Variants in NLRP4 observed in about 807,000 individuals in gnomAD.
The protein encoded by NLRP4 is NACHT, LRR and PYD domains-containing protein 4.
NLRP4 carries 44 observed loss-of-function variants against 84.7 expected under a neutral mutation model. The observed-to-expected ratio is 0.52, with a 90% CI of 0.41 to 0.67. The LOEUF (loss-of-function observed/expected upper bound fraction) is 0.67. Among genes scored for constraint, NLRP4 ranks in the 30% least tolerant of loss-of-function variants. NLRP4 has a pLI of 0.00. For missense variants in NLRP4, 1,260 were observed against 1,219.4 expected, an observed-to-expected ratio of 1.03 and a Z score of -0.50; for synonymous variants, 544 against 476.4, an observed-to-expected ratio of 1.14 and a Z score of -1.85.
chr19:55,861,462 G>C lies in NLRP4; in HGVS notation c.1933G>C (p.Val645Leu). Residue 645 changes from valine (V) to leucine (L), a missense_variant, in exon 4 of 10, where the codon GTG becomes CTG. Physicochemically the swap from Val to Leu is conservative, Grantham distance 32 (BLOSUM62 1). Transcript: ENST00000301295. ...CAGCGGGCACCTCAGAGAGCTCCAG[G>C]TGCAGGACAGCACCCTCAGCGAGTC... Reference protein sequence around the residue: ...TTSGHLRELQVQDSTLSESTF... With the variant: ...TTSGHLRELQLQDSTLSESTF... 1 of 1,614,190 alleles carries C rather than the reference G, an allele frequency of 6.2e-7. No homozygotes were observed. The highest frequency in any genetic ancestry group is 8.5e-7 in the Non-Finnish European group (1 of 1,180,012).
intron 6 of NLRP4, among the ~76,000 whole-genome samples, chr19:55,869,370 A>C (rs116087265): frequency 0.043 from 4,907 of 113,630 alleles, 184 homozygotes; most frequent in Middle Eastern, 0.16. Context: ...TCAAAAAAAA[A>C]CAAAAAATAA....
At chr19:55,876,677 A>AT (rs1985384534) in intron 7 of NLRP4, among the ~76,000 whole-genome samples, 1 of 152,132 alleles carries the variant, frequency 6.6e-6, no homozygotes, top group Admixed American at 6.5e-5. Flanking sequence ...TAGTGTTTGC[A>AT]TATAATGTAC....
chr19:55,852,164 A>G lies in NLRP4; in HGVS notation c.84A>G (p.Glu28=). Reference sequence around the variant, plus strand: ...AGGAGGAGTTCAGGAAATTTAAAGAACATCTCAAGCAAATGACTTTGCAGC... The same window carrying G: ...AGGAGGAGTTCAGGAAATTTAAAGAGCATCTCAAGCAAATGACTTTGCAGC... ...LKKEEFRKFK[E]HLKQMTLQLE... Residue 28 remains glutamate (E), a synonymous_variant, in exon 2 of 10, where the codon GAA becomes GAG. Transcript: ENST00000301295. The G allele has an allele frequency of 1.2e-6, 2 of 1,608,854 alleles. No homozygotes were observed. Among genetic ancestry groups the G allele is most frequent in the African/African-American group, 2.7e-5 (2 of 74,630 alleles).
chr19:55,852,351 G>T lies in NLRP4; in HGVS notation c.271G>T (p.Glu91Ter). ...RKDLCMKVMR[E>*]RTGYTKTYQA... ...GGATCTCTGCATGAAGGTCATGAGGGAGAGAACAGGTGAGGGAGTCTGGGA... is the reference window on the plus strand; with the variant it reads ...GGATCTCTGCATGAAGGTCATGAGGTAGAGAACAGGTGAGGGAGTCTGGGA... Residue 91 changes from glutamate (E) to a stop codon, truncating the protein, a stop_gained, in exon 2 of 10, where the codon GAG becomes TAG. Coordinates refer to ENST00000301295, the MANE Select transcript of NLRP4 (RefSeq NM_134444.5). LOFTEE classifies it high-confidence loss of function. 1 of 1,597,442 alleles carries T rather than the reference G, an allele frequency of 6.3e-7. No homozygotes were observed.
intron 1 of NLRP4, among the ~76,000 whole-genome samples, chr19:55,849,895 CGGCGGTGT>C (rs1568658033): frequency 1.1e-4 from 12 of 109,244 alleles, no homozygotes; most frequent in African/African-American, 4.3e-4. Flanking sequence ...TTTCCGTGGC[CGGCGGTGT>C]AATTTCCGTA....
intron 1 of NLRP4, among the ~76,000 whole-genome samples, chr19:55,841,819 C>T (rs544733615): frequency 4.8e-5 from 7 of 145,990 alleles, no homozygotes; most frequent in Non-Finnish European, 7.4e-5. Flanking sequence ...GAGCCGAGAT[C>T]GTACCACTGC....
At chr19:55,840,121 GTCTA>G (rs954948253) in intron 1 of NLRP4, among the ~76,000 whole-genome samples, 47 of 152,198 alleles carry the variant, frequency 3.1e-4, no homozygotes, top group African/African-American at 1.1e-3. Context: ...TAGCTGATTC[GTCTA>G]TCTTATAGTG....
chr19:55,848,947 C>T (rs1983910241), intron 1 of NLRP4, among the ~76,000 whole-genome samples: 1 of 152,276 alleles, frequency 6.6e-6, no homozygotes, highest in East Asian at 1.9e-4. Context: ...CCTCTCTTGT[C>T]TGCCGCCATG....
intron 1 of NLRP4, among the ~76,000 whole-genome samples, chr19:55,851,092 T>A (rs370630431): frequency 2.6e-3 from 153 of 57,758 alleles, no homozygotes; most frequent in South Asian, 5.7e-3. Flanking sequence ...GTAATGTCCG[T>A]GGCTGCGGTG....
intron 1 of NLRP4, among the ~76,000 whole-genome samples, chr19:55,848,394 CGATACTAT>C (rs1983882017): frequency 6.6e-6 from 1 of 151,850 alleles, no homozygotes; most frequent in Non-Finnish European, 1.5e-5. Context: ...CTATACTATA[CGATACTAT>C]AGCATACTAT....
chr19:55,881,503 G>A lies in NLRP4; in HGVS notation c.2901G>A (p.Gln967=). Residue 967 remains glutamine, a synonymous_variant, in exon 10 of 10, where the codon CAG becomes CAA. Coordinates refer to ENST00000301295, the MANE Select transcript of NLRP4 (RefSeq NM_134444.5). The part of the protein sequence containing the change: ...LRKTDFDEET[Q]ALLTAEEERN... ...AAACTGATTTTGATGAGGAAACCCA[G>A]GCACTTCTGACGGCTGAGGAAGAGA... is the stretch of plus-strand genomic sequence containing the variant. 4 of 1,606,540 alleles carry A rather than the reference G, an allele frequency of 2.5e-6. No individual in the cohort carries two copies. The highest frequency in any genetic ancestry group is 3.4e-6 in the Non-Finnish European group (4 of 1,173,380).
rs763503564 is a variant in NLRP4 at position 55,862,034 on chromosome 19, T to C, written c.2061T>C (p.Phe687=). ...TTTCTGGCCAGAGTGTTCTGCTCTT[T>C]GAGGTGCTCTTTTATCAGCCAGACT... ...VSFSGQSVLL[F]EVLFYQPDLK... The change falls in exon 5 of 10, where the codon TTT becomes TTC. Residue 687 remains phenylalanine, a synonymous_variant. Coordinates refer to ENST00000301295, the MANE Select transcript of NLRP4 (RefSeq NM_134444.5). The C allele has an allele frequency of 9.9e-6, 16 of 1,613,806 alleles. No homozygotes were observed. In the Admixed American group the frequency reaches 2.7e-4, roughly 27 times the overall value.
chr19:55,840,488 A>G (rs1365552412), intron 1 of NLRP4, among the ~76,000 whole-genome samples: 1 of 152,056 alleles, frequency 6.6e-6, no homozygotes, highest in East Asian at 1.9e-4. Context: ...GGTTCAAGCA[A>G]TTCTCCTGCC....
intron 3 of NLRP4, among the ~76,000 whole-genome samples, chr19:55,859,986 C>CT (rs774606132): frequency 0.011 from 1,053 of 96,458 alleles, 17 homozygotes; most frequent in African/African-American, 0.03. Flanking sequence ...TCTTCTTGTT[C>CT]TTTTTTTTTT....
In NLRP4 at chr19:55,857,440, C is replaced by G. The variant is rs1406406992; in HGVS notation, c.281-234C>G. 14 of 551,014 alleles carry G rather than the reference C, an allele frequency of 2.5e-5. No homozygotes were observed. The East Asian group carries it at 4.0e-4, about 16-fold the overall frequency. The allele number at this position is 551,014 out of a possible 1,614,324, so 34.1% of individuals were successfully genotyped here. ...TTAGGCTTTGTGAGTCATACGGTCT[C>G]TCATAGCTGTTCAGCTCTGCTATTC... On this transcript the variant is annotated intron_variant, in intron 2 of 9. Coordinates refer to ENST00000301295, the MANE Select transcript of NLRP4 (RefSeq NM_134444.5).
chr19:55,874,270 A>G (rs1019582999), intron 7 of NLRP4, among the ~76,000 whole-genome samples: 26 of 152,180 alleles, frequency 1.7e-4, no homozygotes, highest in Non-Finnish European at 3.8e-4. Context: ...TCACTTCAAT[A>G]TGTAATCAGT....
In NLRP4 at chr19:55,857,936, G is replaced by C. The variant is rs1289213326; in HGVS notation, c.543G>C (p.Arg181Ser). The C allele has an allele frequency of 1.9e-6, 3 of 1,614,188 alleles. No individual in the cohort carries two copies. Among genetic ancestry groups the C allele is most frequent in the Admixed American group, 3.3e-5 (2 of 60,020 alleles). ...CGGACAACAAGATCTTTCGGGATAGGTTCCTGTACACGTTCTATTTCTGCT... is the reference window on the plus strand; with the variant it reads ...CGGACAACAAGATCTTTCGGGATAGCTTCCTGTACACGTTCTATTTCTGCT... ...AWSDNKIFRDRFLYTFYFCCR... is the reference protein window; with the variant it reads ...AWSDNKIFRDSFLYTFYFCCR... Residue 181 changes from arginine (R) to serine (S), a missense_variant, in exon 3 of 10, where the codon AGG (arginine) becomes AGC (serine). Arg to Ser is a moderately radical substitution (Grantham distance 110). Transcript: ENST00000301295.
chr19:55,860,432 C>G (rs1984704411), intron 3 of NLRP4, among the ~76,000 whole-genome samples: 1 of 151,960 alleles, frequency 6.6e-6, no homozygotes, highest in South Asian at 2.1e-4. Context: ...TTTTAATTAG[C>G]CAGGTGTGGT....
rs559387381 is a variant in NLRP4 at position 55,846,892 on chromosome 19, G to A, written c.-65-5124G>A. Among the ~76,000 whole-genome samples, 166 of 152,184 alleles carry A rather than the reference G, an allele frequency of 1.1e-3. 1 individual carries two copies. The highest frequency in any genetic ancestry group is 3.8e-3 in the African/African-American group (158 of 41,538). ...CTTTCCATCATCATATTCTCATTCC[G>A]AATACTGCTTAATAATTTTCCCTAA... On this transcript the variant is annotated intron_variant, in intron 1 of 9. Coordinates refer to ENST00000301295, the MANE Select transcript of NLRP4 (RefSeq NM_134444.5).
Sources: gnomAD v4.1 joint callset for allele counts (sites outside exome capture counted in the v4.1 genomes callset) on GRCh38, gnomAD v4.1.1 for gene constraint, MANE v1.5 for transcripts, NCBI Gene and HGNC (gene_info 2026-07-23, HGNC 2026-07-21) for gene names.